The following CLEC19A variants were observed in gnomAD, a reference collection of about 807,000 sequenced individuals.
The protein encoded by CLEC19A is C-type lectin domain containing 19A.
CLEC19A carries 21 observed loss-of-function variants against 26.1 expected under a neutral mutation model. That is an observed-to-expected ratio of 0.80 (90% CI 0.57 to 1.16). The LOEUF (loss-of-function observed/expected upper bound fraction) is 1.16, where lower values mean the gene tolerates loss of function less well. Among genes scored for constraint, CLEC19A ranks in the 50% most tolerant of loss-of-function variants. CLEC19A has a pLI of 0.00. For synonymous variants in CLEC19A, 89 were observed against 88.6 expected, an observed-to-expected ratio of 1.00 and a Z score of -0.03; for missense variants, 224 against 227.6, an observed-to-expected ratio of 0.98 and a Z score of 0.10.
At chr16:19,300,989 T>C (rs2143010284) in intron 2 of CLEC19A, among the ~76,000 whole-genome samples, 1 of 152,320 alleles carries the variant, frequency 6.6e-6, no homozygotes, top group South Asian at 2.1e-4. Flanking sequence ...CCAGCTAACA[T>C]GGAGCCCTAT....
chr16:19,290,413 C>G (rs1023191762), intron 1 of CLEC19A, among the ~76,000 whole-genome samples: 1 of 151,944 alleles, frequency 6.6e-6, no homozygotes, highest in African/African-American at 2.4e-5. Context: ...CATGCTAAAC[C>G]ATTTCTAATT....
intron 3 of CLEC19A, among the ~76,000 whole-genome samples, chr16:19,305,522 T>C (rs961736763): frequency 1.3e-5 from 2 of 152,158 alleles, no homozygotes; most frequent in African/African-American, 4.8e-5. Context: ...CTATTTTGCG[T>C]GTATGCTTCT....
chr16:19,308,684 T>C (rs1898005754), intron 4 of CLEC19A, among the ~76,000 whole-genome samples: 2 of 152,200 alleles, frequency 1.3e-5, no homozygotes, highest in African/African-American at 2.4e-5. Context: ...TATTCCCTCT[T>C]TGCTCTTTTT....
At position 19,304,061 on chromosome 16, in the gene CLEC19A, G is replaced by T; in HGVS notation, c.255-1G>T. ...AGCTACTATTATTCTTAAATTCGCAGCTGGGAGGAGAATGTCTTTGTATAT... is the reference window on the plus strand; with the variant it reads ...AGCTACTATTATTCTTAAATTCGCATCTGGGAGGAGAATGTCTTTGTATAT... On this transcript the variant is annotated splice_acceptor_variant, in intron 2 of 4. Coordinates refer to ENST00000636231, the MANE Select transcript of CLEC19A (RefSeq NM_001256720.2). LOFTEE classifies it high-confidence loss of function. The T allele has an allele frequency of 6.5e-7, 1 of 1,547,976 alleles. No homozygotes were observed. The highest frequency in any genetic ancestry group is 1.2e-5 in the South Asian group (1 of 83,976).
At chr16:19,290,477 T>C (rs547324486) in intron 1 of CLEC19A, among the ~76,000 whole-genome samples, 121 of 151,908 alleles carry the variant, frequency 8.0e-4, no homozygotes, top group African/African-American at 2.8e-3. Flanking sequence ...CACTGTGTCC[T>C]CCCCCCGGAA....
intron 4 of CLEC19A, among the ~76,000 whole-genome samples, chr16:19,308,065 G>A (rs1230641495): frequency 1.3e-5 from 2 of 152,232 alleles, no homozygotes; most frequent in Non-Finnish European, 2.9e-5. Context: ...CACATGTGTG[G>A]TGGCATGAGG....
intron 1 of CLEC19A, among the ~76,000 whole-genome samples, chr16:19,295,295 G>A (rs1897683742): frequency 6.6e-6 from 1 of 151,942 alleles, no homozygotes; most frequent in African/African-American, 2.4e-5. Flanking sequence ...TTGCAATTTC[G>A]ATCTTCCATA....
At chr16:19,304,191 C>G (rs1359025611) in intron 3 of CLEC19A, 36 bp downstream of exon 3, 1 of 1,509,042 alleles carries the variant, frequency 6.6e-7, no homozygotes, top group East Asian at 2.5e-5. Flanking sequence ...CCCTTGGAAG[C>G]TCCAGCCAGG....
intron 1 of CLEC19A, among the ~76,000 whole-genome samples, chr16:19,290,295 G>C (rs1567251531): frequency 6.6e-6 from 1 of 151,996 alleles, no homozygotes; most frequent in Non-Finnish European, 1.5e-5. Context: ...CTGGTTTCCA[G>C]AGCAACAGCC....
At chr16:19,298,593 A>C in intron 1 of CLEC19A, 80 bp from the exon 2 acceptor site, 1 of 1,403,780 alleles carries the variant, frequency 7.1e-7, no homozygotes, top group Non-Finnish European at 9.6e-7. Context: ...ATTGTAAAGA[A>C]AAGAAAATAG....
intron 3 of CLEC19A, among the ~76,000 whole-genome samples, chr16:19,306,005 G>A (rs577683746): frequency 2.0e-5 from 3 of 152,020 alleles, no homozygotes; most frequent in East Asian, 1.9e-4. Flanking sequence ...CACCATGCCC[G>A]GCTAATTTTT....
At position 19,309,193 on chromosome 16, in the gene CLEC19A, T is replaced by G; in HGVS notation, c.*110T>G. The G allele has an allele frequency of 2.2e-5, 18 of 802,988 alleles. No individual in the cohort carries two copies. Among genetic ancestry groups the G allele is most frequent in the Non-Finnish European group, 3.0e-5 (15 of 504,574 alleles). The allele number at this position is 802,988 out of a possible 1,614,324, so 49.7% of individuals were successfully genotyped here. A position where few individuals can be genotyped will look rare whatever the true frequency, so the allele number is the denominator to read the frequency against. On this transcript the variant is annotated 3_prime_UTR_variant, in exon 5 of 5. Transcript: ENST00000636231. ...AAAACATACATAGGAAGTAAATCTC[T>G]TGGACAGAGATTTTAAACAAGCAGA...
At chr16:19,296,925 G>A (rs1897716537) in intron 1 of CLEC19A, among the ~76,000 whole-genome samples, 1 of 152,150 alleles carries the variant, frequency 6.6e-6, no homozygotes, top group Admixed American at 6.5e-5. Context: ...TCTCACGGCA[G>A]GTCAGATACA....
In CLEC19A at chr16:19,309,647, A is replaced by G. The variant is rs1898029802; in HGVS notation, c.*564A>G. On this transcript the variant is annotated 3_prime_UTR_variant, in exon 5 of 5. Transcript: ENST00000636231. ...TACGAGAGTAATTTTTTTTTTTGAGACAGAGTCTCACTCTGTTGCCCAGGC... is the reference window on the plus strand; with the variant it reads ...TACGAGAGTAATTTTTTTTTTTGAGGCAGAGTCTCACTCTGTTGCCCAGGC... 6.6e-6 allele frequency: 1 copy of G among 151,794 alleles called. No homozygotes were observed. The highest frequency in any genetic ancestry group is 1.5e-5 in the Non-Finnish European group (1 of 68,326). 9.4% of individuals were successfully genotyped at this position (151,794 alleles called of 1,614,324 possible). A position where few individuals can be genotyped will look rare whatever the true frequency, so the allele number is the denominator to read the frequency against.
intron 2 of CLEC19A, among the ~76,000 whole-genome samples, chr16:19,300,284 C>G (rs1597085471): frequency 6.6e-6 from 1 of 152,044 alleles, no homozygotes; most frequent in East Asian, 1.9e-4. Flanking sequence ...TGCAGTGTCT[C>G]ATGCCTGTAA....
intron 2 of CLEC19A, among the ~76,000 whole-genome samples, chr16:19,301,954 G>A (rs1897845599): frequency 6.6e-6 from 1 of 151,698 alleles, no homozygotes; most frequent in Non-Finnish European, 1.5e-5. Flanking sequence ...TTCTTACACA[G>A]CACTTGGATA....
At chr16:19,302,615 G>A (rs1218163425) in intron 2 of CLEC19A, among the ~76,000 whole-genome samples, 3 of 152,186 alleles carry the variant, frequency 2.0e-5, no homozygotes, top group Non-Finnish European at 2.9e-5. Flanking sequence ...AGTGCCATGT[G>A]GAAGCCAATA....
chr16:19,299,508 G>A (rs762457229), intron 2 of CLEC19A, among the ~76,000 whole-genome samples: 5 of 152,120 alleles, frequency 3.3e-5, no homozygotes, highest in Non-Finnish European at 5.9e-5. Context: ...CTCTGTCTCC[G>A]AAGCCCCAGC....
In CLEC19A at chr16:19,309,720, G is replaced by C. The variant is rs1273544958; in HGVS notation, c.*637G>C. ...AGCTCACTGCAGCCTCAACCTCCTG[G>C]GCTCAGGTGATCCTTCCACCTCCAG... On this transcript the variant is annotated 3_prime_UTR_variant, in exon 5 of 5. Coordinates refer to ENST00000636231, the MANE Select transcript of CLEC19A (RefSeq NM_001256720.2). 6.6e-6 allele frequency: 1 copy of C among 152,096 alleles called. No homozygotes were observed. Among genetic ancestry groups the C allele is most frequent in the African/African-American group, 2.4e-5 (1 of 41,376 alleles). 9.4% of individuals were successfully genotyped at this position (152,096 alleles called of 1,614,324 possible).
Sources: gnomAD v4.1 joint callset for allele counts (sites outside exome capture counted in the v4.1 genomes callset) on GRCh38, gnomAD v4.1.1 for gene constraint, MANE v1.5 for transcripts, NCBI Gene and HGNC (gene_info 2026-07-23, HGNC 2026-07-21) for gene names.